NDUFB5: variants seen among roughly 807,000 people sequenced by gnomAD.
NDUFB5 encodes NADH dehydrogenase [ubiquinone] 1 beta subcomplex subunit 5, mitochondrial.
In NDUFB5, 19 loss-of-function variants were observed where a neutral mutation model predicts 19.4. That is an observed-to-expected ratio of 0.98 (90% CI 0.68 to 1.43). NDUFB5 has a LOEUF of 1.43. Ranked by LOEUF, NDUFB5 falls within the 40% of genes most tolerant of loss-of-function variation. NDUFB5 has a pLI of 0.00. For synonymous variants in NDUFB5, 80 were observed against 82.6 expected (o/e 0.97, Z 0.17); for missense variants, 233 against 236.5 (o/e 0.99, Z 0.10).
chr3:179,611,427 T>C (rs77136318), intron 1 of NDUFB5, among the ~76,000 whole-genome samples: 1 of 151,964 alleles, frequency 6.6e-6, no homozygotes, highest in Admixed American at 6.6e-5. Flanking sequence ...TTTTTTTTTT[T>C]CTTGAGACGG....
At chr3:179,621,547 C>T (rs1372611099) in intron 5 of NDUFB5, among the ~76,000 whole-genome samples, 3 of 101,526 alleles carry the variant, frequency 3.0e-5, no homozygotes, top group Admixed American at 2.2e-4. Context: ...GGCTGGAGTA[C>T]AGTGGCGTGG....
At chr3:179,619,535 A>G (rs1264281168) in intron 5 of NDUFB5, among the ~76,000 whole-genome samples, 2 of 152,076 alleles carry the variant, frequency 1.3e-5, no homozygotes, top group African/African-American at 2.4e-5. Flanking sequence ...TGAACTCATC[A>G]TTTTTTATGG....
At chr3:179,620,683 T>C (rs1402663265) in intron 5 of NDUFB5, among the ~76,000 whole-genome samples, 7 of 152,196 alleles carry the variant, frequency 4.6e-5, no homozygotes, top group Non-Finnish European at 8.8e-5. Flanking sequence ...GTGCCTGTGT[T>C]TTTTTAACCA....
chr3:179,623,854 A>T (rs186079758), intron 5 of NDUFB5, 66 bp from the exon 6 acceptor site: 6 of 1,587,622 alleles, frequency 3.8e-6, no homozygotes, highest in African/African-American at 1.3e-5. Flanking sequence ...TCCTTTATGG[A>T]AATGGCTCAT....
intron 1 of NDUFB5, among the ~76,000 whole-genome samples, chr3:179,613,552 C>T (rs777800488): frequency 6.6e-5 from 10 of 152,184 alleles, no homozygotes; most frequent in African/African-American, 9.6e-5. Flanking sequence ...TTTGTACTGT[C>T]ATCCAACCCG....
At chr3:179,619,725 T>G (rs990111534) in intron 5 of NDUFB5, among the ~76,000 whole-genome samples, 206 of 152,302 alleles carry the variant, frequency 1.4e-3, no homozygotes, top group African/African-American at 3.6e-3. Flanking sequence ...GTAATGGGAT[T>G]GCTGGGTCAA....
chr3:179,613,118 A>G (rs1719290646), intron 1 of NDUFB5, among the ~76,000 whole-genome samples: 1 of 152,140 alleles, frequency 6.6e-6, no homozygotes, highest in Non-Finnish European at 1.5e-5. Context: ...CCACTCTTGT[A>G]GCAGTAGCTT....
chr3:179,612,768 G>C (rs1719281782), intron 1 of NDUFB5, among the ~76,000 whole-genome samples: 1 of 152,220 alleles, frequency 6.6e-6, no homozygotes, highest in East Asian at 1.9e-4. Context: ...GAGCCGCCGC[G>C]CTCAGCCAAA....
intron 5 of NDUFB5, among the ~76,000 whole-genome samples, chr3:179,623,394 C>T (rs892280729): frequency 1.5e-4 from 23 of 152,244 alleles, no homozygotes; most frequent in African/African-American, 5.3e-4. Context: ...TTTGGTAGGC[C>T]GGGTGCGGTG....
At chr3:179,613,386 T>G (rs1719297193) in intron 1 of NDUFB5, among the ~76,000 whole-genome samples, 1 of 152,182 alleles carries the variant, frequency 6.6e-6, no homozygotes, top group South Asian at 2.1e-4. Flanking sequence ...GGCCACTGTA[T>G]CCTATTTCTT....
chr3:179,619,169 T>C (rs902941996), intron 5 of NDUFB5, among the ~76,000 whole-genome samples: 1 of 150,614 alleles, frequency 6.6e-6, no homozygotes, highest in Admixed American at 6.6e-5. Context: ...ATATATTTTT[T>C]CCCCTCTCTT....
Position 179,617,005 on chromosome 3 carries a change from T to G in NDUFB5, c.303T>G (p.Ile101Met), listed in dbSNP as rs772742037. Residue 101 changes from isoleucine (I) to methionine (M), a missense_variant, in exon 4 of 6, where the codon ATT becomes ATG. By Grantham distance (10) the Ile-to-Met change is conservative (BLOSUM62 1). Coordinates refer to ENST00000259037, the MANE Select transcript of NDUFB5 (RefSeq NM_002492.4). ...TAGGTCAAGCTGAACTAGCAGAAATTCCAGAAGGCTATGTCCCAGAACACT... is the reference window on the plus strand; with the variant it reads ...TAGGTCAAGCTGAACTAGCAGAAATGCCAGAAGGCTATGTCCCAGAACACT... ...VFIGQAELAE[I>M]PEGYVPEHWE... is the part of the protein sequence containing the mutation. 3.7e-6 allele frequency: 6 copies of G among 1,612,802 alleles called. No homozygotes were observed. In the African/African-American group the frequency reaches 8.0e-5, roughly 22 times the overall value.
In NDUFB5 at chr3:179,623,457, C is replaced by T. The variant is rs773003284; in HGVS notation, c.450-463C>T. On this transcript the variant is annotated intron_variant, in intron 5 of 5. Coordinates refer to ENST00000259037, the MANE Select transcript of NDUFB5 (RefSeq NM_002492.4). ...GGAGGCCAAGGCAGGCAGATCACGA[C>T]GAGGTCAGGAGTTAGAGACCAGCCT... Among the ~76,000 whole-genome samples, 6 of 152,120 alleles carry T rather than the reference C, an allele frequency of 3.9e-5. No homozygotes were observed. The South Asian group carries it at 6.2e-4, about 16-fold the overall frequency.
At chr3:179,611,500 C>A (rs1719240178) in intron 1 of NDUFB5, among the ~76,000 whole-genome samples, 2 of 152,086 alleles carry the variant, frequency 1.3e-5, no homozygotes, top group Middle Eastern at 6.8e-3. Context: ...ACAGTCTCCG[C>A]CTCCTGGATT....
intron 1 of NDUFB5, among the ~76,000 whole-genome samples, chr3:179,606,571 C>T (rs1719108215): frequency 6.6e-6 from 1 of 152,188 alleles, no homozygotes; most frequent in Admixed American, 6.5e-5. Context: ...AACTCCTGAC[C>T]TCGTGATCCA....
At position 179,620,744 on chromosome 3, in the gene NDUFB5, A is replaced by G. The variant is rs866165120; in HGVS notation, c.449+2223A>G. Among the ~76,000 whole-genome samples the G allele has an allele frequency of 1.6e-4, 24 of 152,236 alleles. 1 individual carries two copies. In the Middle Eastern group the frequency reaches 0.024, roughly 152 times the overall value. On this transcript the variant is annotated intron_variant, in intron 5 of 5. Transcript: ENST00000259037. ...CTTTCCAAGTTTTTTGCTATTGTAC[A>G]TACTGCTGTGTTTAATTTTCCCCCA...
At chr3:179,606,488 G>A (rs538538444) in intron 1 of NDUFB5, among the ~76,000 whole-genome samples, 87 of 151,970 alleles carry the variant, frequency 5.7e-4, no homozygotes, top group African/African-American at 1.9e-3. Context: ...ACAGTTGCAC[G>A]CCTCCATGCC....
At chr3:179,609,811 G>T (rs767492055) in intron 1 of NDUFB5, among the ~76,000 whole-genome samples, 17 of 152,094 alleles carry the variant, frequency 1.1e-4, no homozygotes, top group Non-Finnish European at 2.4e-4. Context: ...GGTATGTGAT[G>T]ATATCATTGT....
In NDUFB5 at chr3:179,615,060, G is replaced by T. The variant is rs1719341244; in HGVS notation, c.213+1G>T. On this transcript the variant is annotated splice_donor_variant, in intron 2 of 5. Transcript: ENST00000259037. LOFTEE classifies it high-confidence loss of function. ...TGACAGGCGTTTTTTGAAGTTATTG[G>T]TAAGTTTAAATTTTTTGTTGAATTA... 2 of 1,599,406 alleles carry T rather than the reference G, an allele frequency of 1.3e-6. No individual in the cohort carries two copies. The highest frequency in any genetic ancestry group is 3.4e-5 in the Admixed American group (2 of 59,428).
Sources: allele counts gnomAD v4.1 joint callset (sites outside exome capture counted in the v4.1 genomes callset), GRCh38; gene constraint gnomAD v4.1.1; transcripts MANE v1.5; gene names NCBI Gene and HGNC (gene_info 2026-07-23, HGNC 2026-07-21).